The following PIK3R3 variants were observed in gnomAD, a reference collection of about 807,000 sequenced individuals.
The protein encoded by PIK3R3 is phosphatidylinositol 3-kinase regulatory subunit gamma.
A neutral mutation model predicts 62.9 loss-of-function variants in PIK3R3; 64 were observed. That is an observed-to-expected ratio of 1.02 (90% confidence interval 0.83 to 1.25). The LOEUF (loss-of-function observed/expected upper bound fraction) is 1.25. Among genes scored for constraint, PIK3R3 ranks in the 50% most tolerant of loss-of-function variants. The probability of loss-of-function intolerance (pLI) is 0.00; values close to 1 mark genes in which losing one functional copy is unlikely to be tolerated. For synonymous variants in PIK3R3, 165 were observed against 189.0 expected, an observed-to-expected ratio of 0.87 and a Z score of 1.04; for missense variants, 614 against 561.6, an observed-to-expected ratio of 1.09 and a Z score of -0.94.
At chr1:46,127,245 A>C (rs1042425544) in intron 1 of PIK3R3, among the ~76,000 whole-genome samples, 1 of 151,738 alleles carries the variant, frequency 6.6e-6, no homozygotes, top group East Asian at 1.9e-4. Context: ...GAGAGGCTGA[A>C]GTGGAAGGAT....
At chr1:46,171,666 C>T in the PIK3R3 span, among the ~76,000 whole-genome samples, 1 of 152,026 alleles carries the variant, frequency 6.6e-6, no homozygotes, top group Non-Finnish European at 1.5e-5. Context: ...CCCACTGACT[C>T]TGTGTTCCTG....
rs1160239989 is a variant in PIK3R3 at position 46,041,988 on chromosome 1, A to G, written c.*1685T>C. 1.4e-5 allele frequency: 3 copies of G among 221,196 alleles called. No homozygotes were observed. Among genetic ancestry groups the G allele is most frequent in the Non-Finnish European group, 2.7e-5 (3 of 110,482 alleles). 13.7% of individuals were successfully genotyped at this position (221,196 alleles called of 1,614,324 possible). A position where few individuals can be genotyped will look rare whatever the true frequency, so the allele number is the denominator to read the frequency against. ...ATTTTTCTTTCACCCCCAGAACTAG[A>G]GCTTTCCTAGCTGTAAGCCTTATAA... On this transcript the variant is annotated 3_prime_UTR_variant, in exon 10 of 10. Coordinates refer to ENST00000262741, the MANE Select transcript of PIK3R3 (RefSeq NM_003629.4).
intron 4 of PIK3R3, among the ~76,000 whole-genome samples, chr1:46,066,397 T>A (rs1648991920): frequency 6.6e-6 from 1 of 152,196 alleles, no homozygotes; most frequent in Non-Finnish European, 1.5e-5. Context: ...ATCAAAATGA[T>A]TAATACTTTA....
chr1:46,074,798 G>A lies in PIK3R3; in HGVS notation c.314+2717C>T, dbSNP rs1054952502. On this transcript the variant is annotated intron_variant, in intron 3 of 9. Coordinates refer to ENST00000262741, the MANE Select transcript of PIK3R3 (RefSeq NM_003629.4). ...TCTTCCCACACATCCCCATCCAAAC[G>A]TATAGAATTCCATCTTTCCCAACCA... Among the ~76,000 whole-genome samples, 6 of 152,138 alleles carry A rather than the reference G, an allele frequency of 3.9e-5. No individual in the cohort carries two copies. The East Asian group carries it at 5.8e-4, about 15-fold the overall frequency.
the PIK3R3 span, among the ~76,000 whole-genome samples, chr1:46,139,626 C>G: frequency 6.6e-6 from 1 of 152,092 alleles, no homozygotes; most frequent in African/African-American, 2.4e-5. Context: ...TGCTTCTAAA[C>G]GGACTAACTC....
At chr1:46,154,365 C>T in the PIK3R3 span, among the ~76,000 whole-genome samples, 2 of 152,034 alleles carry the variant, frequency 1.3e-5, no homozygotes, top group Admixed American at 6.5e-5. Context: ...CCCAGCAGTT[C>T]GAGACCAGAA....
chr1:46,082,067 T>C (rs1425463270), intron 1 of PIK3R3, among the ~76,000 whole-genome samples: 1 of 152,146 alleles, frequency 6.6e-6, no homozygotes. Context: ...TATCTCAATA[T>C]ACTGTCCCAC....
At chr1:46,052,848 A>C (rs561546029) in intron 7 of PIK3R3, among the ~76,000 whole-genome samples, 1 of 152,334 alleles carries the variant, frequency 6.6e-6, no homozygotes, top group Admixed American at 6.5e-5. Flanking sequence ...TGGCCAGTCA[A>C]GGAAATGACC....
chr1:46,071,647 T>C (rs1331094553), intron 3 of PIK3R3, among the ~76,000 whole-genome samples: 3 of 140,688 alleles, frequency 2.1e-5, no homozygotes, highest in South Asian at 4.5e-4. Flanking sequence ...TGAGCCAAGA[T>C]TGCGCGCCAT....
At chr1:46,061,741 G>A (rs1456814755) in intron 6 of PIK3R3, among the ~76,000 whole-genome samples, 188 bp downstream of exon 6, 1 of 152,194 alleles carries the variant, frequency 6.6e-6, no homozygotes, top group Non-Finnish European at 1.5e-5. Flanking sequence ...GAGTTTATCC[G>A]TTTGGGAGAA....
chr1:46,140,212 T>G, the PIK3R3 span, among the ~76,000 whole-genome samples: 1 of 152,214 alleles, frequency 6.6e-6, no homozygotes, highest in Non-Finnish European at 1.5e-5. Context: ...CAGGCTGGCC[T>G]GAAACTCCTG....
At chr1:46,079,438 G>A (rs1444696615) in intron 2 of PIK3R3, among the ~76,000 whole-genome samples, 1 of 151,982 alleles carries the variant, frequency 6.6e-6, no homozygotes, top group Non-Finnish European at 1.5e-5. Context: ...ATTCACCCAG[G>A]GAATCTATTA....
At chr1:46,110,341 C>T (rs1653629120) in intron 1 of PIK3R3, among the ~76,000 whole-genome samples, 1 of 145,486 alleles carries the variant, frequency 6.9e-6, no homozygotes, top group South Asian at 2.2e-4. Flanking sequence ...AGGCTGGTCT[C>T]GAACTCCTGA....
Position 46,132,008 on chromosome 1 carries a change from T to C in PIK3R3, c.-56A>G. ...ATATAGAAGGCATATATTTTTTATC[T>C]GGTATTTAAAAATCTAAAAATATAT... On this transcript the variant is annotated 5_prime_UTR_variant, in exon 1 of 10. Transcript: ENST00000262741. The C allele has an allele frequency of 6.3e-7, 1 of 1,583,228 alleles. No individual in the cohort carries two copies. The highest frequency in any genetic ancestry group is 8.5e-7 in the Non-Finnish European group (1 of 1,169,806).
At chr1:46,142,623 G>A in the PIK3R3 span, among the ~76,000 whole-genome samples, 19 of 152,026 alleles carry the variant, frequency 1.2e-4, no homozygotes, top group Non-Finnish European at 1.6e-4. Flanking sequence ...GTGTGAACCC[G>A]GGAGGCGGAG....
chr1:46,076,551 T>G lies in PIK3R3; in HGVS notation c.314+964A>C, dbSNP rs141104036. Reference sequence around the variant, plus strand: ...CACTGATTAGTCAGCACAATTCAAGTGCAAAGGTATTAATTTCTTTAGCTC... The same window carrying G: ...CACTGATTAGTCAGCACAATTCAAGGGCAAAGGTATTAATTTCTTTAGCTC... On this transcript the variant is annotated intron_variant, in intron 3 of 9. Transcript: ENST00000262741. Among the ~76,000 whole-genome samples the G allele has an allele frequency of 1.4e-3, 210 of 152,308 alleles. 1 individual carries two copies. The highest frequency in any genetic ancestry group is 3.3e-3 in the African/African-American group (138 of 41,558).
chr1:46,076,587 A>G (rs1650086665), intron 3 of PIK3R3, among the ~76,000 whole-genome samples: 1 of 152,190 alleles, frequency 6.6e-6, no homozygotes. Flanking sequence ...TTTACCAGAA[A>G]CTAAAATAGT....
intron 1 of PIK3R3, 59 bp from the exon 2 acceptor site, chr1:46,080,809 C>T: frequency 8.6e-7 from 1 of 1,158,646 alleles, no homozygotes; most frequent in Non-Finnish European, 1.3e-6. Flanking sequence ...TTCTAATTTC[C>T]TCAGGAGCAG....
the PIK3R3 span, among the ~76,000 whole-genome samples, chr1:46,138,259 A>G: frequency 6.6e-6 from 1 of 152,210 alleles, no homozygotes; most frequent in African/African-American, 2.4e-5. Context: ...GGAATGTCCA[A>G]TAATTGCCCT....
Sources: gnomAD v4.1 joint callset for allele counts (sites outside exome capture counted in the v4.1 genomes callset) on GRCh38, gnomAD v4.1.1 for gene constraint, MANE v1.5 for transcripts, NCBI Gene and HGNC (gene_info 2026-07-23, HGNC 2026-07-21) for gene names.